The following HLA-B variants were observed in gnomAD, a reference collection of about 807,000 sequenced individuals.
HLA-B encodes HLA class I antigen HLA-B.
Under a neutral mutation model 41.5 loss-of-function variants are expected in HLA-B, and 31 were observed. That is an observed-to-expected ratio of 0.75 (90% CI 0.56 to 1.01). HLA-B has a LOEUF of 1.01. HLA-B is among the 50% of genes least tolerant of loss of function. The pLI, the probability that HLA-B is intolerant of heterozygous loss-of-function variation, is 0.00. For missense variants in HLA-B, 369 were observed against 457.2 expected, an observed-to-expected ratio of 0.81 and a Z score of 1.76; for synonymous variants, 138 against 189.0, an observed-to-expected ratio of 0.73 and a Z score of 2.21.
In HLA-B at chr6:31,354,708, G is replaced by C. The variant is rs773959707; in HGVS notation, c.1013-43C>G. The C allele has an allele frequency of 5.6e-6, 6 of 1,065,858 alleles. No individual in the cohort carries two copies. In the South Asian group the frequency reaches 7.8e-5, roughly 14 times the overall value. The allele number at this position is 1,065,858 out of a possible 1,614,324, so 66.0% of individuals were successfully genotyped here. On this transcript the variant is annotated intron_variant, in intron 5 of 7. Coordinates refer to ENST00000412585, the MANE Select transcript of HLA-B (RefSeq NM_005514.8). The stretch of plus-strand genomic sequence containing the variant: ...CCTGTGAGGGCACTGGGAGGAAGCA[G>C]GGCCATGAGATCTTAGAGGAACCTC...
intron 2 of HLA-B, 110 bp downstream of exon 2, chr6:31,356,578 G>A: frequency 8.9e-7 from 1 of 1,125,544 alleles, no homozygotes; most frequent in Non-Finnish European, 1.2e-6. Flanking sequence ...GGTCTGGGCG[G>A]GTCCCGCGGC....
chr6:31,354,423 G>GGCCC, intron 7 of HLA-B, 56 bp downstream of exon 7: 1 of 318,272 alleles, frequency 3.1e-6, no homozygotes, highest in Non-Finnish European at 5.6e-6. Flanking sequence ...TTTCCCCTCT[G>GGCCC]CCCCACCCAC....
chr6:31,357,114 C>T lies in HLA-B; in HGVS notation c.45G>A (p.Ala15=), dbSNP rs1131161. ...CCCAGGTCTCGGTCAGGGCCAGGGC[C>T]GCCGAGAGCAGCAGGAGGACGGTTC... ...APRTVLLLLS[A]ALALTETWAG... Residue 15 remains alanine (A), a synonymous_variant, in exon 1 of 8, where the codon GCG becomes GCA. Coordinates refer to ENST00000412585, the MANE Select transcript of HLA-B (RefSeq NM_005514.8). 4,771 of 889,608 alleles carry T rather than the reference C, an allele frequency of 5.4e-3. 1,039 individuals carry two copies. The highest frequency in any genetic ancestry group is 0.048 in the South Asian group (1,700 of 35,374). The allele number at this position is 889,608 out of a possible 1,614,324, so 55.1% of individuals were successfully genotyped here. A position where few individuals can be genotyped will look rare whatever the true frequency, so the allele number is the denominator to read the frequency against.
In HLA-B at chr6:31,356,965, TG is replaced by T. The variant is rs1562173846; in HGVS notation, c.74-9del. The T allele has an allele frequency of 1.1e-6, 1 of 871,474 alleles. No individual in the cohort carries two copies. Among genetic ancestry groups the T allele is most frequent in the Non-Finnish European group, 1.5e-6 (1 of 664,490 alleles). The allele number at this position is 871,474 out of a possible 1,614,324, so 54.0% of individuals were successfully genotyped here. On this transcript the variant is annotated splice_polypyrimidine_tract_variant and intron_variant, in intron 1 of 7. Coordinates refer to ENST00000412585, the MANE Select transcript of HLA-B (RefSeq NM_005514.8). ...ACCTCATGGAGTGGGAGCCTGGGGG[TG>T]AGGAGGGGCTGAGACCCGCCCGACC...
Position 31,355,129 on chromosome 6 carries a change from C to T in HLA-B, c.990G>A (p.Val330=). 5 of 1,057,776 alleles carry T rather than the reference C, an allele frequency of 4.7e-6. 1 individual carries two copies. The highest frequency in any genetic ancestry group is 6.1e-6 in the Non-Finnish European group (5 of 814,888). The allele number at this position is 1,057,776 out of a possible 1,614,324, so 65.5% of individuals were successfully genotyped here. A position where few individuals can be genotyped will look rare whatever the true frequency, so the allele number is the denominator to read the frequency against. Reference sequence around the variant, plus strand: ...TACCTGAACTCTTCCTCCTACACATCACAGCAGCGACCACAGCTCCGATGA... The same window carrying T: ...TACCTGAACTCTTCCTCCTACACATTACAGCAGCGACCACAGCTCCGATGA... ...VVVIGAVVAA[V]MCRRKSSGGK... The change falls in exon 5 of 8, where the codon GTG becomes GTA. Residue 330 remains valine (V), a synonymous_variant. Transcript: ENST00000412585.
At position 31,356,254 on chromosome 6, in the gene HLA-B, C is replaced by G. The variant is rs151341306; in HGVS notation, c.532G>C (p.Glu178Gln). The stretch of plus-strand genomic sequence containing the variant: ...CCCTCCAGGTAGGCTCTCCGCTGCT[C>G]CGCCTCACGGGCCGCCTCCCACTTG... The part of the protein sequence containing the change: ...QRKWEAAREA[E>Q]QRRAYLEGEC... Residue 178 changes from glutamate to glutamine, a missense_variant, in exon 3 of 8, where the codon GAG becomes CAG. Glu to Gln is a conservative substitution (Grantham distance 29). This residue lies in a region of HLA-B where 76 missense variants were observed against 62.4 expected (regional missense o/e 1.22). Transcript: ENST00000412585. 3 of 1,336,856 alleles carry G rather than the reference C, an allele frequency of 2.2e-6. No individual in the cohort carries two copies. The highest frequency in any genetic ancestry group is 2.9e-6 in the Non-Finnish European group (3 of 1,018,168). The allele number at this position is 1,336,856 out of a possible 1,614,324, so 82.8% of individuals were successfully genotyped here. A position where few individuals can be genotyped will look rare whatever the true frequency, so the allele number is the denominator to read the frequency against.
rs3819305 is a variant in HLA-B, at chr6:31,354,367, C to A, written c.*5-71G>T. On this transcript the variant is annotated intron_variant, in intron 7 of 7. Coordinates refer to ENST00000412585, the MANE Select transcript of HLA-B (RefSeq NM_005514.8). ...AGCGATGACACTCTAAACAGCCCACCACACACGCGAAACATCCCAATCAAA... is the reference window on the plus strand; with the variant it reads ...AGCGATGACACTCTAAACAGCCCACAACACACGCGAAACATCCCAATCAAA... 1.3e-4 allele frequency: 56 copies of A among 443,992 alleles called. 1 individual carries two copies. The highest frequency in any genetic ancestry group is 1.9e-4 in the Non-Finnish European group (47 of 248,136). 27.5% of individuals were successfully genotyped at this position (443,992 alleles called of 1,614,324 possible).
chr6:31,356,953 G>A lies in HLA-B; in HGVS notation c.78C>T (p.Ser26=), dbSNP rs151341088. 2.6e-3 allele frequency: 2,452 copies of A among 957,950 alleles called. 7 individuals are homozygous for A. Among genetic ancestry groups the A allele is most frequent in the Middle Eastern group, 8.4e-3 (21 of 2,514 alleles). 59.3% of individuals were successfully genotyped at this position (957,950 alleles called of 1,614,324 possible). A position where few individuals can be genotyped will look rare whatever the true frequency, so the allele number is the denominator to read the frequency against. Residue 26 remains serine (S), a synonymous_variant, in exon 2 of 8, where the codon TCC becomes TCT. Transcript: ENST00000412585. ...ALALTETWAG[S]HSMRYFYTSV... ...AGGTGTAGAAATACCTCATGGAGTG[G>A]GAGCCTGGGGGTGAGGAGGGGCTGA...
rs41553518 is a variant in HLA-B at position 31,355,813 on chromosome 6, G to A, written c.620-221C>T. On this transcript the variant is annotated intron_variant, in intron 3 of 7. Coordinates refer to ENST00000412585, the MANE Select transcript of HLA-B (RefSeq NM_005514.8). ...AGGGACTTCTGCTCCTGATCTGAGT[G>A]GAGGTAAAGTGACTCAGAAGTGCTG... 280 of 671,996 alleles carry A rather than the reference G, an allele frequency of 4.2e-4. 6 individuals are homozygous for A. The highest frequency in any genetic ancestry group is 3.9e-3 in the Middle Eastern group (16 of 4,062). The allele number at this position is 671,996 out of a possible 1,614,324, so 41.6% of individuals were successfully genotyped here.
intron 3 of HLA-B, 134 bp from the exon 4 acceptor site, chr6:31,355,726 G>A (rs750809471): frequency 1.3e-6 from 1 of 784,652 alleles, no homozygotes; most frequent in Non-Finnish European, 2.0e-6. Flanking sequence ...ACACCAGCCT[G>A]GACGCAGGCA....
chr6:31,355,809 G>T, intron 3 of HLA-B: 1 of 673,292 alleles, frequency 1.5e-6, no homozygotes, highest in Non-Finnish European at 2.7e-6. Context: ...CTCCTGATCT[G>T]AGTGGAGGTA....
chr6:31,355,128 T>C lies in HLA-B; in HGVS notation c.991A>G (p.Met331Val), dbSNP rs41548215. Reference protein sequence around the residue: ...VVIGAVVAAVMCRRKSSGGKG... With the variant: ...VVIGAVVAAVVCRRKSSGGKG... Reference sequence around the variant, plus strand: ...CTACCTGAACTCTTCCTCCTACACATCACAGCAGCGACCACAGCTCCGATG... The same window carrying C: ...CTACCTGAACTCTTCCTCCTACACACCACAGCAGCGACCACAGCTCCGATG... The change falls in exon 5 of 8, where the codon ATG becomes GTG. Residue 331 changes from methionine to valine, a missense_variant. This residue lies in a region of HLA-B where 115 missense variants were observed against 78.7 expected (regional missense o/e 1.46). Transcript: ENST00000412585. The C allele has an allele frequency of 2.9e-3, 2,975 of 1,026,576 alleles. 219 individuals are homozygous for C. The highest frequency in any genetic ancestry group is 3.8e-3 in the Middle Eastern group (11 of 2,890). 63.6% of individuals were successfully genotyped at this position (1,026,576 alleles called of 1,614,324 possible).
At position 31,356,259 on chromosome 6, in the gene HLA-B, T is replaced by G. The variant is rs151341293; in HGVS notation, c.527A>C (p.Glu176Ala). The G allele has an allele frequency of 0.031, 37,932 of 1,209,988 alleles. 951 individuals carry two copies. Among genetic ancestry groups the G allele is most frequent in the African/African-American group, 0.048 (1,701 of 35,348 alleles). 75.0% of individuals were successfully genotyped at this position (1,209,988 alleles called of 1,614,324 possible). ...ITQRKWEAAREAEQRRAYLEG... is the reference protein window; with the variant it reads ...ITQRKWEAARAAEQRRAYLEG... ...CAGGTAGGCTCTCCGCTGCTCCGCC[T>G]CACGGGCCGCCTCCCACTTGCGCTG... The change falls in exon 3 of 8, where the codon GAG becomes GCG. Residue 176 changes from glutamate to alanine, a missense_variant. Around this residue, in one of 6 missense-constraint regions of HLA-B, gnomAD observed 76 missense variants for 62.4 expected, o/e 1.22. Coordinates refer to ENST00000412585, the MANE Select transcript of HLA-B (RefSeq NM_005514.8).
intron 7 of HLA-B, 23 bp from the exon 8 acceptor site, chr6:31,354,319 A>C: frequency 3.4e-6 from 2 of 585,872 alleles, no homozygotes; most frequent in Admixed American, 2.3e-5. Flanking sequence ...ACAGTCATGA[A>C]CAAATTCTGG....
In HLA-B at chr6:31,356,300, C is replaced by CCGCCGCG; in HGVS notation, c.485_486insCGCGGCG (p.Gln165GlyfsTer14). On this transcript the variant is annotated frameshift_variant, in exon 3 of 8. Coordinates refer to ENST00000412585, the MANE Select transcript of HLA-B (RefSeq NM_005514.8). LOFTEE classifies it high-confidence loss of function. ...ACTTGCGCTGGGTGATCTGAGCCGC[C>CCGCCGCG]GTGTCCGCGGCGGTCCAGGAGCGCA... The CCGCCGCG allele has an allele frequency of 8.1e-7, 1 of 1,234,320 alleles. No homozygotes were observed. Among genetic ancestry groups the CCGCCGCG allele is most frequent in the Non-Finnish European group, 1.1e-6 (1 of 945,994 alleles). 76.5% of individuals were successfully genotyped at this position (1,234,320 alleles called of 1,614,324 possible). A position where few individuals can be genotyped will look rare whatever the true frequency, so the allele number is the denominator to read the frequency against.
At chr6:31,354,423 GCCCCACCCACCCCCAGACCCGCCA>G in intron 7 of HLA-B, 32 bp downstream of exon 7, 1 of 318,248 alleles carries the variant, frequency 3.1e-6, no homozygotes, top group Admixed American at 5.9e-5. Context: ...TTTCCCCTCT[GCCCCACCCACCCCCAGACCCGCCA>G]CCCCACCCAC....
chr6:31,355,230 AAGGAG>A lies in HLA-B; in HGVS notation c.896-12_896-8del. On this transcript the variant is annotated splice_region_variant and splice_polypyrimidine_tract_variant and intron_variant, in intron 4 of 7. Transcript: ENST00000412585. ...GTGGACTGGGAAGACGGCTCTGGGA[AAGGAG>A]GGGAAGATGAGGGGCCCTGACCCTG... is the stretch of plus-strand genomic sequence containing the variant. 1 of 1,025,488 alleles carries A rather than the reference AAGGAG, an allele frequency of 9.8e-7. No individual in the cohort carries two copies. Among genetic ancestry groups the A allele is most frequent in the Non-Finnish European group, 1.2e-6 (1 of 804,176 alleles). 63.5% of individuals were successfully genotyped at this position (1,025,488 alleles called of 1,614,324 possible).
At chr6:31,354,386 A>G (rs561081099) in intron 7 of HLA-B, 90 bp from the exon 8 acceptor site, 4 of 451,528 alleles carry the variant, frequency 8.9e-6, no homozygotes, top group East Asian at 4.6e-5. Context: ...GAAACATCCC[A>G]ATCAAAGAAT....
At chr6:31,356,584 G>C in intron 2 of HLA-B, 104 bp downstream of exon 2, 1 of 1,094,912 alleles carries the variant, frequency 9.1e-7, no homozygotes, top group Non-Finnish European at 1.3e-6. Context: ...GGCGGGTCCC[G>C]CGGCCTCAGG....
Sources: gnomAD v4.1 joint callset for allele counts on GRCh38, gnomAD v4.1.1 for gene constraint, gnomAD v4.1.1 regional missense constraint, MANE v1.5 for transcripts, NCBI Gene and HGNC (gene_info 2026-07-23, HGNC 2026-07-21) for gene names.